ARMC2: variants seen among roughly 807,000 people sequenced by gnomAD.
The protein encoded by ARMC2 is armadillo repeat containing 2.
ARMC2 carries 67 observed loss-of-function variants against 90.3 expected under a neutral mutation model. The observed-to-expected ratio is 0.74, with a 90% CI of 0.61 to 0.91. The LOEUF (loss-of-function observed/expected upper bound fraction) is 0.91, where lower values mean the gene tolerates loss of function less well. Ranked by LOEUF, ARMC2 falls within the 40% of genes least tolerant of loss-of-function variation. The pLI is 0.00. For missense variants in ARMC2, 920 were observed against 1,030.9 expected (o/e 0.89, Z 1.47); for synonymous variants, 393 against 393.0 (o/e 1.00, Z 0.00).
the ARMC2 span, among the ~76,000 whole-genome samples, chr6:109,047,912 T>C: frequency 4.8e-5 from 7 of 145,718 alleles, 1 homozygote; most frequent in Admixed American, 4.1e-4. Context: ...TGGTTAAGAG[T>C]CATCACCACT....
chr6:109,026,418 A>G, the ARMC2 span, among the ~76,000 whole-genome samples: 4 of 152,208 alleles, frequency 2.6e-5, no homozygotes, highest in African/African-American at 9.6e-5. Context: ...TTCTGTACGA[A>G]TTCTGAATAG....
At chr6:108,977,291 G>A (rs551069485), downstream of ARMC2, among the ~76,000 whole-genome samples, 146 of 152,192 alleles carry the variant, frequency 9.6e-4, 1 homozygote, top group African/African-American at 3.4e-3. Flanking sequence ...TGTTTGTTAT[G>A]GATTACGTTT....
At chr6:108,906,210 A>AT (rs1042112366) in intron 8 of ARMC2, among the ~76,000 whole-genome samples, 13 of 152,136 alleles carry the variant, frequency 8.5e-5, no homozygotes, top group African/African-American at 2.4e-4. Flanking sequence ...CTATATTAAG[A>AT]TTTTTTAAAG....
chr6:109,017,339 G>A, the ARMC2 span, among the ~76,000 whole-genome samples: 211 of 152,140 alleles, frequency 1.4e-3, no homozygotes, highest in African/African-American at 4.7e-3. Context: ...AGGCTGGAGC[G>A]CAGTGGTGCA....
intron 16 of ARMC2, 92 bp downstream of exon 16, chr6:108,964,404 C>A: frequency 7.0e-7 from 1 of 1,422,006 alleles, no homozygotes; most frequent in Non-Finnish European, 9.6e-7. Flanking sequence ...TCCTGTGGGG[C>A]AAAGGTATTT....
At chr6:109,020,351 T>TA in the ARMC2 span, among the ~76,000 whole-genome samples, 1 of 152,236 alleles carries the variant, frequency 6.6e-6, no homozygotes, top group Non-Finnish European at 1.5e-5. Context: ...TTATGCCAGA[T>TA]ACTGTATACA....
chr6:108,977,450 T>A (rs1779004430), downstream of ARMC2, among the ~76,000 whole-genome samples: 1 of 152,208 alleles, frequency 6.6e-6, no homozygotes, highest in Non-Finnish European at 1.5e-5. Flanking sequence ...GATATTGGCC[T>A]TAAATTTTCT....
chr6:108,854,320 C>T lies in ARMC2; in HGVS notation c.53C>T (p.Pro18Leu), dbSNP rs772868938. The change falls in exon 2 of 18, where the codon CCT (proline) becomes CTT (leucine). Residue 18 changes from proline to leucine, a missense_variant. By Grantham distance (98) the Pro-to-Leu change is moderately conservative (BLOSUM62 -3). Transcript: ENST00000392644. Reference protein sequence around the residue: ...MLGKLDPFYQPSVSKQKTSAE... With the variant: ...MLGKLDPFYQLSVSKQKTSAE... ...GGAAAACTGGATCCATTTTATCAAC[C>T]TTCAGTGTCCAAGCAGAAGACCAGT... 2 of 1,612,138 alleles carry T rather than the reference C, an allele frequency of 1.2e-6. No homozygotes were observed. The highest frequency in any genetic ancestry group is 1.7e-6 in the Non-Finnish European group (2 of 1,179,400).
chr6:108,982,968 G>C, the ARMC2 span, among the ~76,000 whole-genome samples: 1 of 151,826 alleles, frequency 6.6e-6, no homozygotes, highest in Non-Finnish European at 1.5e-5. Flanking sequence ...TGGGTTACCG[G>C]TGCACACCAC....
chr6:108,953,045 C>T lies in ARMC2; in HGVS notation c.1609C>T (p.Arg537Cys), dbSNP rs773911119. Residue 537 changes from arginine to cysteine, a missense_variant, in exon 13 of 18, where the codon CGT becomes TGT. Coordinates refer to ENST00000392644, the MANE Select transcript of ARMC2 (RefSeq NM_032131.6). ...KYQKKQDLVVRVVFILGNLTA... is the reference protein window; with the variant it reads ...KYQKKQDLVVCVVFILGNLTA... ...TCGTTTATTGCAGGATTTAGTCGTCCGTGTTGTTTTTATTCTTGGCAACCT... is the reference window on the plus strand; with the variant it reads ...TCGTTTATTGCAGGATTTAGTCGTCTGTGTTGTTTTTATTCTTGGCAACCT... 18 of 1,609,246 alleles carry T rather than the reference C, an allele frequency of 1.1e-5. No homozygotes were observed. The highest frequency in any genetic ancestry group is 2.2e-5 in the South Asian group (2 of 90,274).
intron 12 of ARMC2, among the ~76,000 whole-genome samples, chr6:108,939,573 C>G (rs1353788754): frequency 6.6e-6 from 1 of 152,190 alleles, no homozygotes; most frequent in Non-Finnish European, 1.5e-5. Context: ...TCCCCAGAAG[C>G]TGAGCAGATG....
chr6:108,903,124 T>A (rs1461946650), intron 7 of ARMC2, among the ~76,000 whole-genome samples: 2 of 152,138 alleles, frequency 1.3e-5, no homozygotes. Flanking sequence ...GCCAAGAATG[T>A]ACCACTACAC....
intron 14 of ARMC2, 43 bp downstream of exon 14, chr6:108,961,737 A>G: frequency 1.3e-6 from 2 of 1,537,180 alleles, no homozygotes; most frequent in Non-Finnish European, 1.7e-6. Flanking sequence ...TGCTCATTTG[A>G]AGTTTCGATT....
intron 10 of ARMC2, among the ~76,000 whole-genome samples, chr6:108,919,052 T>C (rs1385067421): frequency 6.6e-6 from 1 of 152,110 alleles, no homozygotes; most frequent in Non-Finnish European, 1.5e-5. Context: ...GGTGTTAGGG[T>C]AATGTATGGG....
At chr6:109,009,093 GTC>G in the ARMC2 span, 8 of 797,790 alleles carry the variant, frequency 1.0e-5, no homozygotes, top group Non-Finnish European at 1.3e-5. Context: ...CGCGGCCGCA[GTC>G]TCTCCCAGCT....
chr6:108,862,928 T>C (rs917287263), intron 3 of ARMC2, among the ~76,000 whole-genome samples: 1 of 152,164 alleles, frequency 6.6e-6, no homozygotes. Flanking sequence ...TTTGTACAGC[T>C]GCCCTCTCTC....
intron 13 of ARMC2, among the ~76,000 whole-genome samples, chr6:108,953,866 A>G (rs1359024006): frequency 6.6e-6 from 1 of 152,174 alleles, no homozygotes; most frequent in Non-Finnish European, 1.5e-5. Context: ...TCAGATTGCC[A>G]TAACAAAATA....
the ARMC2 span, among the ~76,000 whole-genome samples, chr6:109,019,856 T>A: frequency 7.2e-5 from 11 of 152,214 alleles, no homozygotes; most frequent in African/African-American, 2.7e-4. Flanking sequence ...AATTAGATTT[T>A]AAAAATTAAA....
the ARMC2 span, among the ~76,000 whole-genome samples, chr6:109,029,009 A>T: frequency 1.3e-5 from 2 of 152,216 alleles, no homozygotes; most frequent in Non-Finnish European, 2.9e-5. Flanking sequence ...TTCACTTCAT[A>T]AGTATAAAAT....
Sources: gnomAD v4.1 joint callset for allele counts (sites outside exome capture counted in the v4.1 genomes callset) on GRCh38, gnomAD v4.1.1 for gene constraint, MANE v1.5 for transcripts, NCBI Gene and HGNC (gene_info 2026-07-23, HGNC 2026-07-21) for gene names.